ACTG2: variants seen among roughly 807,000 people sequenced by gnomAD.
ACTG2 encodes actin, gamma-enteric smooth muscle.
In ACTG2, 16 loss-of-function variants were observed where a neutral mutation model predicts 37.6. The ratio of observed to expected loss-of-function variants is 0.43; its 90% CI spans 0.29 to 0.65. The LOEUF is 0.65. Among genes scored for constraint, ACTG2 ranks in the 30% least tolerant of loss-of-function variants. The probability of loss-of-function intolerance (pLI) is 0.18; values close to 1 mark genes in which losing one functional copy is unlikely to be tolerated. For missense variants in ACTG2, 238 were observed against 490.9 expected (o/e 0.48, Z 4.87); for synonymous variants, 181 against 179.9 (o/e 1.01, Z -0.05).
At chr2:73,903,110 G>C (rs1679927559) in intron 3 of ACTG2, 2 of 182,512 alleles carry the variant, frequency 1.1e-5, no homozygotes, top group African/African-American at 2.4e-5. Context: ...AAATATTGTG[G>C]GGGGAGCGGG....
chr2:73,898,630 A>G (rs1345055331), intron 1 of ACTG2, among the ~76,000 whole-genome samples: 3 of 151,408 alleles, frequency 2.0e-5, no homozygotes, highest in East Asian at 1.9e-4. Flanking sequence ...TGTGAAGCCA[A>G]TTCTCCATAC....
chr2:73,914,578 G>C, intron 6 of ACTG2, 102 bp from the exon 7 acceptor site: 1 of 578,280 alleles, frequency 1.7e-6, no homozygotes. Context: ...AAAAAAAAAA[G>C]AATAAAGTAG....
chr2:73,915,519 CAAA>C (rs11404848), intron 7 of ACTG2, among the ~76,000 whole-genome samples: 7 of 117,554 alleles, frequency 6.0e-5, no homozygotes, highest in Admixed American at 9.1e-5. Flanking sequence ...GATTCTGTCT[CAAA>C]AAAAAAAAAA....
intron 3 of ACTG2, among the ~76,000 whole-genome samples, chr2:73,904,638 A>G (rs1336216036): frequency 6.8e-6 from 1 of 147,496 alleles, no homozygotes; most frequent in Non-Finnish European, 1.5e-5. Flanking sequence ...AGCCTGGGCA[A>G]CAGAGTGAGA....
At chr2:73,909,162 C>T (rs763774846) in intron 5 of ACTG2, 23 bp downstream of exon 5, 9 of 1,593,468 alleles carry the variant, frequency 5.6e-6, no homozygotes, top group Non-Finnish European at 6.9e-6. Context: ...GTAATCCATT[C>T]CTTTTCTGAC....
intron 1 of ACTG2, among the ~76,000 whole-genome samples, chr2:73,897,804 G>T (rs1469562107): frequency 1.3e-5 from 2 of 152,158 alleles, no homozygotes; most frequent in African/African-American, 4.8e-5. Flanking sequence ...TTCCAAGGTG[G>T]CACCTTGTTG....
intron 6 of ACTG2, 49 bp from the exon 7 acceptor site, chr2:73,914,630 CA>C (rs779073869): frequency 2.1e-6 from 3 of 1,400,292 alleles, no homozygotes; most frequent in Non-Finnish European, 2.8e-6. Context: ...ATGGGACAAC[CA>C]AACTATCAGA....
At chr2:73,901,165 T>G in intron 1 of ACTG2, 111 bp from the exon 2 acceptor site, 2 of 888,830 alleles carry the variant, frequency 2.3e-6, no homozygotes, top group Non-Finnish European at 3.2e-6. Flanking sequence ...TGCCTGTCCC[T>G]CCTGGAAGTG....
chr2:73,907,123 A>T (rs1680033327), intron 3 of ACTG2, among the ~76,000 whole-genome samples: 2 of 152,170 alleles, frequency 1.3e-5, no homozygotes, highest in Admixed American at 1.3e-4. Context: ...AATCCCTCAG[A>T]TAATGAATTA....
intron 1 of ACTG2, among the ~76,000 whole-genome samples, chr2:73,898,837 C>T (rs1416831813): frequency 8.0e-6 from 1 of 124,486 alleles, no homozygotes; most frequent in Non-Finnish European, 1.6e-5. Flanking sequence ...GAGTCTTGCT[C>T]TGTTGCCCAG....
Position 73,914,882 on chromosome 2 carries a change from G to T in ACTG2, c.805+11G>T. 1 of 1,555,438 alleles carries T rather than the reference G, an allele frequency of 6.4e-7. No individual in the cohort carries two copies. The highest frequency in any genetic ancestry group is 8.7e-7 in the Non-Finnish European group (1 of 1,143,514). ...AGCCTTCCTTTATTGGTGAGGTGCT[G>T]CCCACAGTCCCTGCCAATCTCAGGA... On this transcript the variant is annotated intron_variant, in intron 7 of 8. Coordinates refer to ENST00000345517, the MANE Select transcript of ACTG2 (RefSeq NM_001615.4).
chr2:73,910,224 GTA>G (rs141216749), intron 5 of ACTG2, among the ~76,000 whole-genome samples: 2 of 149,292 alleles, frequency 1.3e-5, no homozygotes, highest in African/African-American at 2.4e-5. Flanking sequence ...CAAAAAATAT[GTA>G]TATATATATA....
Position 73,914,849 on chromosome 2 carries a change from C to A in ACTG2, c.783C>A (p.Thr261=). ...ATGAGCGCTTCCGCTGCCCTGAGAC[C>A]CTCTTCCAGCCTTCCTTTATTGGTG... The part of the protein sequence containing the change: ...IGNERFRCPE[T]LFQPSFIGME... Residue 261 remains threonine, a synonymous_variant, in exon 7 of 9, where the codon ACC becomes ACA. Transcript: ENST00000345517. 1.3e-6 allele frequency: 2 copies of A among 1,589,564 alleles called. No homozygotes were observed. Among genetic ancestry groups the A allele is most frequent in the Middle Eastern group, 1.7e-4 (1 of 5,970 alleles).
chr2:73,893,930 A>G (rs1454832578), intron 1 of ACTG2, among the ~76,000 whole-genome samples: 2 of 152,228 alleles, frequency 1.3e-5, no homozygotes, highest in African/African-American at 2.4e-5. Context: ...TGGGTGTGGC[A>G]GTGCAGGCCT....
intron 4 of ACTG2, 40 bp from the exon 5 acceptor site, chr2:73,909,014 AT>A: frequency 3.2e-6 from 5 of 1,586,932 alleles, no homozygotes; most frequent in Non-Finnish European, 4.3e-6. Flanking sequence ...AAGTGCTGTG[AT>A]TTTTGCCAAA....
chr2:73,906,217 G>A (rs1466649118), intron 3 of ACTG2, among the ~76,000 whole-genome samples: 5 of 151,588 alleles, frequency 3.3e-5, no homozygotes, highest in Admixed American at 6.6e-5. Flanking sequence ...TTTGGGAGGC[G>A]GAGGCGGGTG....
rs1679910606 is a variant in ACTG2, at chr2:73,902,351, G to A, written c.127-9G>A. On this transcript the variant is annotated splice_polypyrimidine_tract_variant and intron_variant, in intron 2 of 8. Coordinates refer to ENST00000345517, the MANE Select transcript of ACTG2 (RefSeq NM_001615.4). ...CATTCATTTCTCTTTTCTTCTTTTT[G>A]CATTGCAGGGTGTGATGGTGGGAAT... The A allele has an allele frequency of 6.2e-7, 1 of 1,613,068 alleles. No homozygotes were observed. Among genetic ancestry groups the A allele is most frequent in the Non-Finnish European group, 8.5e-7 (1 of 1,179,722 alleles).
At chr2:73,902,887 T>A in intron 3 of ACTG2, 2 of 1,041,612 alleles carry the variant, frequency 1.9e-6, no homozygotes, top group South Asian at 1.7e-5. Flanking sequence ...CCCGCGATCA[T>A]CTTTTCCTGC....
At chr2:73,893,385 T>C (rs1385838841) in intron 1 of ACTG2, among the ~76,000 whole-genome samples, 2 of 152,228 alleles carry the variant, frequency 1.3e-5, no homozygotes, top group African/African-American at 4.8e-5. Context: ...TGGGTTAGAA[T>C]GTCTGGGAGG....
Sources: allele counts gnomAD v4.1 joint callset (sites outside exome capture counted in the v4.1 genomes callset), GRCh38; gene constraint gnomAD v4.1.1; transcripts MANE v1.5; gene names NCBI Gene and HGNC (gene_info 2026-07-23, HGNC 2026-07-21).